Variants in LCORL observed in about 807,000 individuals in gnomAD.
LCORL encodes the protein ligand-dependent nuclear receptor corepressor-like protein.
In LCORL, 41 loss-of-function variants were observed where a neutral mutation model predicts 141.8. The ratio of observed to expected loss-of-function variants is 0.29; its 90% CI spans 0.23 to 0.38. LCORL has a LOEUF of 0.38. LCORL is among the 10% of genes least tolerant of loss of function. LCORL has a pLI of 1.00. For missense variants in LCORL, 1,759 were observed against 2,035.0 expected (o/e 0.86, Z 2.61); for synonymous variants, 618 against 694.1 (o/e 0.89, Z 1.72).
chr4:17,877,618 T>C (rs2109189076), exon 7 of LCORL: 3 of 1,230,728 alleles, frequency 2.4e-6, no homozygotes, highest in South Asian at 8.2e-5. Context: ...ATCTCTGAGA[T>C]GACGTCTTTC....
chr4:17,913,708 T>C (rs1243119665), intron 4 of LCORL, among the ~76,000 whole-genome samples: 1 of 152,226 alleles, frequency 6.6e-6, no homozygotes, highest in African/African-American at 2.4e-5. Flanking sequence ...AGAGTTATGA[T>C]GGGAAATCAT....
At chr4:17,842,083 C>T (rs1577216783) in exon 8 of LCORL, 2 of 416,594 alleles carry the variant, frequency 4.8e-6, no homozygotes, top group African/African-American at 2.0e-5. Context: ...CCTTATTTTC[C>T]CTTACTCATT....
chr4:17,842,131 T>G, exon 8 of LCORL: 1 of 549,106 alleles, frequency 1.8e-6, no homozygotes, highest in Non-Finnish European at 3.3e-6. Flanking sequence ...TTAATCTTGC[T>G]TGGGTTCCTT....
chr4:17,985,817 G>T (rs1218780204), intron 1 of LCORL, among the ~76,000 whole-genome samples: 2 of 152,128 alleles, frequency 1.3e-5, no homozygotes, highest in Non-Finnish European at 2.9e-5. Context: ...TTGTCAGCTG[G>T]TTATTATGCT....
chr4:17,951,018 C>G (rs1457384674), intron 4 of LCORL, among the ~76,000 whole-genome samples: 1 of 152,174 alleles, frequency 6.6e-6, no homozygotes, highest in African/African-American at 2.4e-5. Context: ...TGGTTCAGAG[C>G]TACTTCCATG....
chr4:17,967,283 G>C (rs1267258776), intron 2 of LCORL, among the ~76,000 whole-genome samples: 4 of 152,140 alleles, frequency 2.6e-5, no homozygotes, highest in Admixed American at 2.6e-4. Context: ...GTAGAGTTTA[G>C]AAGACGGTTT....
At chr4:17,929,988 A>T (rs936235503) in intron 4 of LCORL, among the ~76,000 whole-genome samples, 3 of 152,238 alleles carry the variant, frequency 2.0e-5, no homozygotes, top group Non-Finnish European at 2.9e-5. Flanking sequence ...CTGATGGCTT[A>T]TAAGTACATG....
exon 5 of LCORL, chr4:17,909,112 C>T (rs755067795): frequency 6.3e-7 from 1 of 1,597,370 alleles, no homozygotes; most frequent in East Asian, 2.2e-5. Flanking sequence ...GTATTTTGTT[C>T]TTGCATTCGA....
At chr4:17,891,893 G>A (rs1197881564) in intron 5 of LCORL, among the ~76,000 whole-genome samples, 1 of 152,038 alleles carries the variant, frequency 6.6e-6, no homozygotes, top group Non-Finnish European at 1.5e-5. Context: ...ACATACCTAG[G>A]TATGTATGTG....
intron 4 of LCORL, among the ~76,000 whole-genome samples, chr4:17,940,106 A>G (rs1397761926): frequency 6.8e-6 from 1 of 146,966 alleles, no homozygotes. Context: ...ATAGGTAGAT[A>G]TATGTGTGTG....
chr4:17,894,188 C>A lies in LCORL; in HGVS notation c.683-8027G>T, dbSNP rs961476809. Among the ~76,000 whole-genome samples, 4 of 152,112 alleles carry A rather than the reference C, an allele frequency of 2.6e-5. No individual in the cohort carries two copies. In the South Asian group the frequency reaches 6.2e-4, roughly 24 times the overall value. On this transcript the variant is annotated intron_variant, in intron 5 of 7. Coordinates refer to ENST00000635767, the Ensembl canonical transcript of LCORL. ...CTGTAAATAAAAAAATATAGTAAGT[C>A]AAAAATGCATTTATATCCCAATACA...
At chr4:17,930,871 T>G (rs1208485939) in intron 4 of LCORL, among the ~76,000 whole-genome samples, 3 of 152,232 alleles carry the variant, frequency 2.0e-5, no homozygotes, top group African/African-American at 7.2e-5. Flanking sequence ...AAAACTGTCT[T>G]TTTCTATGTT....
chr4:17,849,133 C>T (rs568088146), intron 7 of LCORL, among the ~76,000 whole-genome samples: 2 of 152,276 alleles, frequency 1.3e-5, no homozygotes, highest in South Asian at 2.1e-4. Context: ...CAGCAGAAAC[C>T]TCTGCAGACT....
exon 7 of LCORL, chr4:17,876,627 T>A: frequency 8.1e-7 from 1 of 1,230,756 alleles, no homozygotes; most frequent in Non-Finnish European, 1.0e-6. Context: ...AACATAATTA[T>A]TTGTTACATA....
chr4:17,944,978 T>C (rs1463050886), intron 4 of LCORL, among the ~76,000 whole-genome samples: 3 of 152,136 alleles, frequency 2.0e-5, no homozygotes, highest in African/African-American at 7.2e-5. Flanking sequence ...CAGCAGACAG[T>C]TCATAATTAT....
At chr4:17,883,791 G>T (rs1469771216) in intron 6 of LCORL, 1 of 1,550,548 alleles carries the variant, frequency 6.4e-7, no homozygotes, top group Admixed American at 2.0e-5. Context: ...CCAGTGTCTG[G>T]TAATCGTAGT....
intron 7 of LCORL, among the ~76,000 whole-genome samples, chr4:17,868,072 T>A (rs1041386432): frequency 2.0e-5 from 3 of 152,206 alleles, no homozygotes; most frequent in Non-Finnish European, 4.4e-5. Context: ...ACAGTTGTAC[T>A]TAAAGTAATC....
chr4:17,926,975 A>G (rs1385254927), intron 4 of LCORL, among the ~76,000 whole-genome samples: 17 of 152,212 alleles, frequency 1.1e-4, no homozygotes, highest in African/African-American at 4.1e-4. Context: ...CCAGGCATTG[A>G]CTTTGCTCTA....
rs190868010 is a variant in LCORL, at chr4:17,893,901, C to T, written c.683-7740G>A. Among the ~76,000 whole-genome samples the T allele has an allele frequency of 2.3e-3, 350 of 152,234 alleles. 4 individuals carry two copies. The highest frequency in any genetic ancestry group is 3.3e-3 in the Non-Finnish European group (222 of 68,014). ...GCAACCTCTGCCTCCTGGGTTCAAG[C>T]GATTCTCCAGCCTTGGCCTCCTGAG... On this transcript the variant is annotated intron_variant, in intron 5 of 7. Coordinates refer to ENST00000635767, the Ensembl canonical transcript of LCORL.
Sources: gnomAD v4.1 joint callset for allele counts (sites outside exome capture counted in the v4.1 genomes callset) on GRCh38, gnomAD v4.1.1 for gene constraint, MANE v1.5 for transcripts, NCBI Gene and HGNC (gene_info 2026-07-23, HGNC 2026-07-21) for gene names.